ADAMTSL1: variants seen among roughly 807,000 people sequenced by gnomAD.
The protein encoded by ADAMTSL1 is ADAMTS-like protein 1.
ADAMTSL1 carries 126 observed loss-of-function variants against 201.8 expected under a neutral mutation model. That is an observed-to-expected ratio of 0.62 (90% CI 0.54 to 0.72). ADAMTSL1 has a LOEUF of 0.72. ADAMTSL1 is among the 30% of genes least tolerant of loss of function. The probability of loss-of-function intolerance (pLI) is 0.00; values close to 1 mark genes in which losing one functional copy is unlikely to be tolerated. For synonymous variants in ADAMTSL1, 1,121 were observed against 903.4 expected (o/e 1.24, Z -4.32); for missense variants, 2,679 against 2,277.8 (o/e 1.18, Z -3.59).
intron 20 of ADAMTSL1, among the ~76,000 whole-genome samples, chr9:18,800,154 A>G (rs1338449172): frequency 1.3e-5 from 2 of 152,142 alleles, no homozygotes; most frequent in African/African-American, 4.8e-5. Flanking sequence ...AGGCGGGCAG[A>G]TGGCCTGAAG....
At chr9:18,723,155 A>C (rs1817650602) in intron 15 of ADAMTSL1, 1 of 726,762 alleles carries the variant, frequency 1.4e-6, no homozygotes, top group Non-Finnish European at 2.6e-6. Flanking sequence ...CCACATCTGC[A>C]AAGTGAACTG....
intron 1 of ADAMTSL1, among the ~76,000 whole-genome samples, chr9:17,913,395 T>C (rs12156638): frequency 0.11 from 16,318 of 152,206 alleles, 1,163 homozygotes; most frequent in Middle Eastern, 0.16. Context: ...GTAGTTCTCC[T>C]TGAAGAGGTC....
intron 2 of ADAMTSL1, among the ~76,000 whole-genome samples, chr9:18,413,008 T>A (rs1011323742): frequency 1.3e-5 from 2 of 151,806 alleles, no homozygotes; most frequent in African/African-American, 4.9e-5. Context: ...TCGTTTTTTG[T>A]TACCAAGTTT....
At chr9:18,487,091 CAG>C (rs1218879173) in intron 1 of ADAMTSL1, among the ~76,000 whole-genome samples, 2 of 152,070 alleles carry the variant, frequency 1.3e-5, no homozygotes, top group African/African-American at 4.8e-5. Flanking sequence ...TTGTGGTCTT[CAG>C]AAAATAATCA....
At chr9:18,376,784 C>T (rs527778821) in intron 2 of ADAMTSL1, among the ~76,000 whole-genome samples, 14 of 151,934 alleles carry the variant, frequency 9.2e-5, no homozygotes, top group South Asian at 2.1e-4. Context: ...CCAGCCTGGG[C>T]GACAGAAAGA....
At chr9:18,807,643 C>G (rs1201508019) in intron 20 of ADAMTSL1, among the ~76,000 whole-genome samples, 1 of 117,740 alleles carries the variant, frequency 8.5e-6, no homozygotes, top group Non-Finnish European at 1.8e-5. Context: ...GAGACTCTGT[C>G]TCAAAAAAAA....
chr9:18,865,472 G>C (rs1172408502), intron 23 of ADAMTSL1, among the ~76,000 whole-genome samples: 1 of 152,128 alleles, frequency 6.6e-6, no homozygotes, highest in Non-Finnish European at 1.5e-5. Flanking sequence ...CCAAGTCTTT[G>C]CTATTGTGAA....
intron 2 of ADAMTSL1, among the ~76,000 whole-genome samples, chr9:18,351,874 TC>T (rs1247050995): frequency 6.6e-6 from 1 of 152,182 alleles, no homozygotes; most frequent in African/African-American, 2.4e-5. Context: ...GAAATACATT[TC>T]TGTAAATATT....
At chr9:18,047,453 C>G (rs1410534833) in intron 1 of ADAMTSL1, among the ~76,000 whole-genome samples, 1 of 152,150 alleles carries the variant, frequency 6.6e-6, no homozygotes, top group Non-Finnish European at 1.5e-5. Context: ...GCAGCTTGAA[C>G]TGTCAATAAT....
intron 26 of ADAMTSL1, among the ~76,000 whole-genome samples, chr9:18,897,706 T>C (rs72692474): frequency 0.016 from 2,422 of 152,138 alleles, 62 homozygotes; most frequent in South Asian, 0.085. Context: ...CATTCAAAGG[T>C]CAGCAACCTC....
rs12237122 is a variant in ADAMTSL1 at position 17,972,450 on chromosome 9, G to T, written c.87+65528G>T. ...GTCCTTGCGATAGTTTGCTGAGAATGATGGTTTCCAGTTTCATCCATGTCC... is the reference window on the plus strand; with the variant it reads ...GTCCTTGCGATAGTTTGCTGAGAATTATGGTTTCCAGTTTCATCCATGTCC... On this transcript the variant is annotated intron_variant, in intron 1 of 29. Transcript: ENST00000680146. Among the ~76,000 whole-genome samples, 8 of 151,604 alleles carry T rather than the reference G, an allele frequency of 5.3e-5. No homozygotes were observed. The East Asian group carries it at 1.6e-3, about 30-fold the overall frequency.
chr9:18,345,896 G>A (rs1177800221), intron 2 of ADAMTSL1, among the ~76,000 whole-genome samples: 2 of 151,952 alleles, frequency 1.3e-5, no homozygotes, highest in East Asian at 1.9e-4. Flanking sequence ...ATGAGGAATT[G>A]AACATGGAGA....
Position 18,397,404 on chromosome 9 carries a change from G to A in ADAMTSL1, c.208-107425G>A, listed in dbSNP as rs534252925. 5.3e-5 allele frequency among the ~76,000 whole-genome samples: 8 copies of A among 152,114 alleles called. No homozygotes were observed. In the South Asian group the frequency reaches 1.7e-3, roughly 32 times the overall value. On this transcript the variant is annotated intron_variant, in intron 2 of 29. Transcript: ENST00000680146. The stretch of plus-strand genomic sequence containing the variant: ...CATTGAATCCATGATTAAAGATGCT[G>A]TTACATGCACTCCAAAAAAGAAAAA...
chr9:18,901,821 C>T (rs943762921), intron 26 of ADAMTSL1, among the ~76,000 whole-genome samples: 1 of 152,042 alleles, frequency 6.6e-6, no homozygotes, highest in African/African-American at 2.4e-5. Context: ...TCAGTAATTA[C>T]TTTAAAGGAA....
intron 5 of ADAMTSL1, among the ~76,000 whole-genome samples, chr9:18,632,299 A>C (rs1826834389): frequency 6.6e-6 from 1 of 152,234 alleles, no homozygotes; most frequent in African/African-American, 2.4e-5. Flanking sequence ...TTTTATGAAC[A>C]TGCAGAAAAT....
intron 2 of ADAMTSL1, among the ~76,000 whole-genome samples, chr9:18,388,046 T>A (rs185841901): frequency 9.9e-5 from 15 of 152,248 alleles, no homozygotes; most frequent in African/African-American, 3.6e-4. Context: ...TATTAATGCT[T>A]CTTTGTTTGA....
intron 1 of ADAMTSL1, among the ~76,000 whole-genome samples, chr9:18,022,880 C>G (rs1820536351): frequency 6.6e-6 from 1 of 152,042 alleles, no homozygotes; most frequent in African/African-American, 2.4e-5. Context: ...GATTTGGTCC[C>G]TATCATGTTG....
intron 2 of ADAMTSL1, among the ~76,000 whole-genome samples, chr9:18,236,711 G>A (rs1172012852): frequency 1.3e-5 from 2 of 152,130 alleles, no homozygotes; most frequent in African/African-American, 2.4e-5. Flanking sequence ...CAGAAGCACA[G>A]GAATTAAATC....
At chr9:18,240,038 G>A (rs1831002206) in intron 2 of ADAMTSL1, among the ~76,000 whole-genome samples, 1 of 152,094 alleles carries the variant, frequency 6.6e-6, no homozygotes, top group East Asian at 1.9e-4. Flanking sequence ...TTGATATTTT[G>A]ACTGCCTCCC....
Sources: allele counts gnomAD v4.1 joint callset (sites outside exome capture counted in the v4.1 genomes callset), GRCh38; gene constraint gnomAD v4.1.1; transcripts MANE v1.5; gene names NCBI Gene and HGNC (gene_info 2026-07-23, HGNC 2026-07-21).